Variants in CSMD3 observed in about 807,000 individuals in gnomAD.
The protein encoded by CSMD3 is CUB and sushi domain-containing protein 3.
A neutral mutation model predicts 435.2 loss-of-function variants in CSMD3; 177 were observed. That is an observed-to-expected ratio of 0.41 (90% CI 0.36 to 0.46). CSMD3 has a LOEUF of 0.46. CSMD3 is among the 20% of genes least tolerant of loss of function. CSMD3 has a pLI of 0.34. For missense variants in CSMD3, 4,265 were observed against 4,504.6 expected (o/e 0.95, Z 1.52); for synonymous variants, 1,656 against 1,520.5 (o/e 1.09, Z -2.07).
chr8:113,164,701 T>C (rs1031738699), intron 4 of CSMD3, among the ~76,000 whole-genome samples: 2 of 152,074 alleles, frequency 1.3e-5, no homozygotes, highest in African/African-American at 4.8e-5. Context: ...CTTTCATCAC[T>C]GAATGGTTCA....
Position 113,065,412 on chromosome 8 carries a change from A to T in CSMD3, c.917+33344T>A, listed in dbSNP as rs180763605. Among the ~76,000 whole-genome samples the T allele has an allele frequency of 1.3e-4, 20 of 152,054 alleles. No homozygotes were observed. In the East Asian group the frequency reaches 3.9e-3, roughly 30 times the overall value. ...GTTTGTTTGTTTGTTTTTCAGACGG[A>T]GTCTCGCTCTGTCGCCCAGGATGGA... On this transcript the variant is annotated intron_variant, in intron 5 of 70. Transcript: ENST00000297405.
intron 19 of CSMD3, 26 bp from the exon 20 acceptor site, chr8:112,645,251 G>T (rs375391066): frequency 1.7e-6 from 2 of 1,154,056 alleles, no homozygotes; most frequent in African/African-American, 1.5e-5. Flanking sequence ...ACAGATCCAT[G>T]TGATCAGCAG....
intron 41 of CSMD3, among the ~76,000 whole-genome samples, chr8:112,343,547 T>G (rs571429002): frequency 6.6e-6 from 1 of 152,300 alleles, no homozygotes; most frequent in African/African-American, 2.4e-5. Flanking sequence ...TCACCTGCAT[T>G]TTTCTACTTG....
At chr8:113,121,941 A>G (rs1258918880) in intron 4 of CSMD3, among the ~76,000 whole-genome samples, 1 of 152,128 alleles carries the variant, frequency 6.6e-6, no homozygotes, top group East Asian at 1.9e-4. Context: ...TAAAAAATTA[A>G]CCAGAGAATA....
chr8:112,512,807 A>C (rs1040759098), intron 28 of CSMD3, among the ~76,000 whole-genome samples: 3 of 152,166 alleles, frequency 2.0e-5, no homozygotes, highest in Non-Finnish European at 4.4e-5. Flanking sequence ...TCTACATTGA[A>C]AACTGTTTTT....
intron 22 of CSMD3, among the ~76,000 whole-genome samples, chr8:112,606,031 C>T (rs1832765416): frequency 6.6e-6 from 1 of 152,092 alleles, no homozygotes; most frequent in South Asian, 2.1e-4. Context: ...TATCATCATC[C>T]TCTGAAGCAG....
intron 32 of CSMD3, among the ~76,000 whole-genome samples, chr8:112,455,988 GT>G (rs1215282912): frequency 6.6e-6 from 1 of 151,794 alleles, no homozygotes; most frequent in Non-Finnish European, 1.5e-5. Flanking sequence ...CAATGGTCTA[GT>G]TTTATTCATA....
intron 10 of CSMD3, among the ~76,000 whole-genome samples, chr8:112,913,233 G>A (rs1283799297): frequency 2.6e-5 from 4 of 151,874 alleles, no homozygotes; most frequent in Non-Finnish European, 4.4e-5. Context: ...GGGAGGAGTG[G>A]TATGGTTTCA....
At chr8:112,747,049 T>C (rs1204551556) in intron 13 of CSMD3, among the ~76,000 whole-genome samples, 1 of 152,088 alleles carries the variant, frequency 6.6e-6, no homozygotes, top group African/African-American at 2.4e-5. Flanking sequence ...GACTGTGTCA[T>C]TTCCAAGAAA....
At chr8:112,499,871 C>T (rs929463444) in intron 30 of CSMD3, among the ~76,000 whole-genome samples, 20 of 151,884 alleles carry the variant, frequency 1.3e-4, no homozygotes, top group Non-Finnish European at 2.9e-4. Flanking sequence ...GTAATCCCAG[C>T]TCTTGAGGAG....
chr8:112,580,516 C>A, intron 23 of CSMD3, among the ~76,000 whole-genome samples: 3 of 139,316 alleles, frequency 2.2e-5, no homozygotes, highest in South Asian at 2.3e-4. Context: ...AGGTGGCAAA[C>A]ATGCTTGCAG....
chr8:112,842,375 T>C (rs888055968), intron 11 of CSMD3, among the ~76,000 whole-genome samples: 1 of 151,856 alleles, frequency 6.6e-6, no homozygotes, highest in African/African-American at 2.4e-5. Flanking sequence ...TCCACAAGAA[T>C]ATTTCAAGAT....
At chr8:113,213,323 C>T (rs527956801) in intron 3 of CSMD3, among the ~76,000 whole-genome samples, 3 of 152,116 alleles carry the variant, frequency 2.0e-5, no homozygotes, top group African/African-American at 4.8e-5. Flanking sequence ...CTGTGACATG[C>T]CAGCATGAAC....
chr8:113,111,058 C>T (rs911757908), intron 4 of CSMD3, among the ~76,000 whole-genome samples: 1 of 152,094 alleles, frequency 6.6e-6, no homozygotes, highest in African/African-American at 2.4e-5. Flanking sequence ...AGTCCAACCT[C>T]CTAATATCAT....
At chr8:112,889,186 A>G (rs1024216919) in intron 10 of CSMD3, among the ~76,000 whole-genome samples, 3 of 151,570 alleles carry the variant, frequency 2.0e-5, no homozygotes, top group African/African-American at 4.8e-5. Context: ...TAATTCTTAT[A>G]ATTGAAATGC....
intron 10 of CSMD3, among the ~76,000 whole-genome samples, chr8:112,917,286 A>C (rs546230296): frequency 5.9e-5 from 9 of 152,078 alleles, no homozygotes; most frequent in Non-Finnish European, 1.0e-4. Context: ...AATAAAATTA[A>C]ATGCTATATT....
At chr8:112,657,712 T>A (rs925718606) in intron 17 of CSMD3, among the ~76,000 whole-genome samples, 1 of 152,210 alleles carries the variant, frequency 6.6e-6, no homozygotes, top group Non-Finnish European at 1.5e-5. Context: ...CCTATGATGA[T>A]CTTGAAGCCT....
chr8:112,325,082 T>C (rs1320687529), intron 45 of CSMD3, among the ~76,000 whole-genome samples: 1 of 152,124 alleles, frequency 6.6e-6, no homozygotes, highest in East Asian at 1.9e-4. Context: ...TCTCCTCTAC[T>C]TAAAATTCAA....
rs149542574 is a variant in CSMD3, at chr8:112,531,594, C to T, written c.4565-14369G>A. ...AAATTTTCCATGATCTCCCAAAAGT[C>T]CATCAGAAATAAGTACATAGAAGTC... is the stretch of plus-strand genomic sequence containing the variant. On this transcript the variant is annotated intron_variant, in intron 27 of 70. Transcript: ENST00000297405. 3.6e-3 allele frequency among the ~76,000 whole-genome samples: 541 copies of T among 152,196 alleles called. 1 individual carries two copies. The highest frequency in any genetic ancestry group is 0.012 in the African/African-American group (519 of 41,534).
Sources: allele counts gnomAD v4.1 joint callset (sites outside exome capture counted in the v4.1 genomes callset), GRCh38; gene constraint gnomAD v4.1.1; transcripts MANE v1.5; gene names NCBI Gene and HGNC (gene_info 2026-07-23, HGNC 2026-07-21).